The following KCNK2 variants were observed in gnomAD, a reference collection of about 807,000 sequenced individuals.
The protein encoded by KCNK2 is potassium channel subfamily K member 2.
A neutral mutation model predicts 40.5 loss-of-function variants in KCNK2; 21 were observed. The observed-to-expected ratio is 0.52, with a 90% CI of 0.37 to 0.75. The LOEUF (loss-of-function observed/expected upper bound fraction) is 0.75. KCNK2 is among the 30% of genes least tolerant of loss of function. The pLI is 0.00. For missense variants in KCNK2, 399 were observed against 531.6 expected (o/e 0.75, Z 2.45); for synonymous variants, 191 against 202.2 (o/e 0.94, Z 0.47).
chr1:215,153,277 G>T (rs949186279), intron 3 of KCNK2, among the ~76,000 whole-genome samples: 31 of 152,038 alleles, frequency 2.0e-4, no homozygotes, highest in African/African-American at 7.2e-4. Context: ...TATCATTATG[G>T]GTGTCTGAAA....
At chr1:215,199,563 A>G (rs971700374) in intron 6 of KCNK2, among the ~76,000 whole-genome samples, 14 of 152,200 alleles carry the variant, frequency 9.2e-5, no homozygotes, top group Non-Finnish European at 1.6e-4. Context: ...CCATGGAAAC[A>G]TATGCATTTC....
intron 6 of KCNK2, among the ~76,000 whole-genome samples, chr1:215,221,695 C>CA (rs1666184968): frequency 6.6e-6 from 1 of 152,054 alleles, no homozygotes; most frequent in Non-Finnish European, 1.5e-5. Flanking sequence ...AGAGGCAGAA[C>CA]AAAATCCACA....
At chr1:215,234,445 C>T (rs1056213106) in intron 6 of KCNK2, among the ~76,000 whole-genome samples, 1 of 152,142 alleles carries the variant, frequency 6.6e-6, no homozygotes, top group Non-Finnish European at 1.5e-5. Flanking sequence ...GCCCTTTGTA[C>T]ATTCCAATAC....
At chr1:215,118,330 C>T (rs1029781905) in intron 2 of KCNK2, among the ~76,000 whole-genome samples, 1 of 152,132 alleles carries the variant, frequency 6.6e-6, no homozygotes, top group African/African-American at 2.4e-5. Flanking sequence ...TTTTGTGCTG[C>T]AACCATAAAT....
intron 6 of KCNK2, among the ~76,000 whole-genome samples, chr1:215,214,238 G>C (rs1051059148): frequency 3.3e-5 from 5 of 152,104 alleles, no homozygotes; most frequent in African/African-American, 1.2e-4. Context: ...AGGCTAAGGA[G>C]AGGCAGGCAT....
rs148957991 is a variant in KCNK2, at chr1:215,086,371, C to T, written c.50C>T (p.Ala17Val). The change falls in exon 2 of 7, where the codon GCG (alanine) becomes GTG (valine). Residue 17 changes from alanine (A) to valine (V), a missense_variant. Ala to Val is a moderately conservative substitution (Grantham distance 64). Coordinates refer to ENST00000444842, the MANE Select transcript of KCNK2 (RefSeq NM_001017425.3). Reference protein sequence around the residue: ...RERPGYRAGVAAPDLLDPKSA... With the variant: ...RERPGYRAGVVAPDLLDPKSA... ...CCTCATTCTCTGTTGTTGTCAGTGG[C>T]GGCACCTGACTTGCTGGATCCTAAA... is the stretch of plus-strand genomic sequence containing the variant. 50 of 1,612,592 alleles carry T rather than the reference C, an allele frequency of 3.1e-5. No individual in the cohort carries two copies. The African/African-American group carries it at 4.5e-4, about 15-fold the overall frequency.
At chr1:215,221,657 G>A (rs1666183132) in intron 6 of KCNK2, among the ~76,000 whole-genome samples, 1 of 152,004 alleles carries the variant, frequency 6.6e-6, no homozygotes, top group African/African-American at 2.4e-5. Flanking sequence ...GGAAAGGGAG[G>A]GGGTGGTCTT....
intron 3 of KCNK2, among the ~76,000 whole-genome samples, chr1:215,158,941 G>A (rs1457094640): frequency 6.6e-6 from 1 of 152,128 alleles, no homozygotes; most frequent in Non-Finnish European, 1.5e-5. Context: ...TTAGAATAGA[G>A]GATGGGTTAG....
In KCNK2 at chr1:215,023,408, C is replaced by T. The variant is rs550393522; in HGVS notation, c.34+17453C>T. 6.6e-5 allele frequency among the ~76,000 whole-genome samples: 10 copies of T among 152,274 alleles called. No individual in the cohort carries two copies. In the South Asian group the frequency reaches 2.1e-3, roughly 32 times the overall value. ...AGTTCAGTAATCCTTTAATGAATCA[C>T]CTTTTAAAATCTGCCCCTCAGCCAT... On this transcript the variant is annotated intron_variant, in intron 1 of 6. Transcript: ENST00000391895.
At chr1:215,076,460 A>G (rs1658930885) in intron 1 of KCNK2, among the ~76,000 whole-genome samples, 1 of 152,170 alleles carries the variant, frequency 6.6e-6, no homozygotes, top group African/African-American at 2.4e-5. Flanking sequence ...TGACTGGAGA[A>G]GGACCTGCTT....
intron 1 of KCNK2, among the ~76,000 whole-genome samples, chr1:215,044,696 T>C (rs1050344046): frequency 6.6e-6 from 1 of 152,136 alleles, no homozygotes; most frequent in Admixed American, 6.6e-5. Flanking sequence ...GAACTACAAA[T>C]TGATACCATT....
At position 215,230,470 on chromosome 1, in the gene KCNK2, T is replaced by C. The variant is rs1009994463; in HGVS notation, c.964-4358T>C. ...AAATCGTGTAGCTCATGGCTGTAGATATATATATACACACACACACACACA... is the reference window on the plus strand; with the variant it reads ...AAATCGTGTAGCTCATGGCTGTAGACATATATATACACACACACACACACA... On this transcript the variant is annotated intron_variant, in intron 6 of 6. Coordinates refer to ENST00000444842, the MANE Select transcript of KCNK2 (RefSeq NM_001017425.3). Among the ~76,000 whole-genome samples the C allele has an allele frequency of 2.4e-5, 3 of 123,546 alleles. No homozygotes were observed. The East Asian group carries it at 6.8e-4, about 28-fold the overall frequency. 81.1% of individuals were successfully genotyped at this position (123,546 alleles called of 152,430 possible).
chr1:215,168,023 G>GA (rs34326911), intron 3 of KCNK2, among the ~76,000 whole-genome samples: 14 of 151,422 alleles, frequency 9.2e-5, no homozygotes, highest in South Asian at 4.2e-4. Flanking sequence ...ACATTAACAA[G>GA]AAAAAAAACC....
At chr1:215,228,813 G>A (rs1666501985) in intron 6 of KCNK2, among the ~76,000 whole-genome samples, 1 of 151,996 alleles carries the variant, frequency 6.6e-6, no homozygotes, top group African/African-American at 2.4e-5. Flanking sequence ...GATATTCTCA[G>A]GAACTTATTT....
chr1:215,160,904 T>C (rs1663164842), intron 3 of KCNK2, among the ~76,000 whole-genome samples: 1 of 152,154 alleles, frequency 6.6e-6, no homozygotes, highest in South Asian at 2.1e-4. Context: ...CCTCTGGGCA[T>C]ATCAAAATCA....
At chr1:215,215,141 G>C (rs1363085421) in intron 6 of KCNK2, among the ~76,000 whole-genome samples, 1 of 151,840 alleles carries the variant, frequency 6.6e-6, no homozygotes. Flanking sequence ...CAAAAAAGAA[G>C]TTTCTTCTCA....
chr1:215,175,255 G>A (rs994944531), intron 5 of KCNK2, among the ~76,000 whole-genome samples: 6 of 152,018 alleles, frequency 3.9e-5, no homozygotes, highest in Non-Finnish European at 7.4e-5. Context: ...CTGGAGATTA[G>A]GACTTCAACA....
intron 3 of KCNK2, among the ~76,000 whole-genome samples, chr1:215,150,689 T>G (rs1207476031): frequency 1.3e-5 from 2 of 152,060 alleles, no homozygotes; most frequent in Non-Finnish European, 2.9e-5. Context: ...AATGATGTTG[T>G]TTTCCATATT....
chr1:215,199,629 T>G (rs1299215426), intron 6 of KCNK2, among the ~76,000 whole-genome samples: 1 of 152,236 alleles, frequency 6.6e-6, no homozygotes, highest in Non-Finnish European at 1.5e-5. Context: ...AGGCACATGT[T>G]TAACAGAAAG....
Sources: allele counts gnomAD v4.1 joint callset (sites outside exome capture counted in the v4.1 genomes callset), GRCh38; gene constraint gnomAD v4.1.1; transcripts MANE v1.5; gene names NCBI Gene and HGNC (gene_info 2026-07-23, HGNC 2026-07-21).